TMIGD1: variants seen among roughly 807,000 people sequenced by gnomAD.
TMIGD1 encodes transmembrane and immunoglobulin domain-containing protein 1.
In TMIGD1, 29 loss-of-function variants were observed where a neutral mutation model predicts 27.5. That is an observed-to-expected ratio of 1.05 (90% CI 0.78 to 1.44). TMIGD1 has a LOEUF of 1.44. Among genes scored for constraint, TMIGD1 ranks in the 40% most tolerant of loss-of-function variants. TMIGD1 has a pLI of 0.00. For synonymous variants in TMIGD1, 109 were observed against 110.3 expected, an observed-to-expected ratio of 0.99 and a Z score of 0.07; for missense variants, 334 against 310.6, an observed-to-expected ratio of 1.08 and a Z score of -0.57.
In TMIGD1 at chr17:30,324,827, A is replaced by C. The variant is rs1228103523; in HGVS notation, c.629T>G (p.Leu210Arg). The C allele has an allele frequency of 9.9e-6, 16 of 1,613,738 alleles. No individual in the cohort carries two copies. The highest frequency in any genetic ancestry group is 1.6e-4 in the Middle Eastern group (1 of 6,084). ...AAAAAGAGCATTACCTTTAACAATCAGGTGAAAGTCCAAGCTCTCCGTTTT... is the reference window on the plus strand; with the variant it reads ...AAAAAGAGCATTACCTTTAACAATCCGGTGAAAGTCCAAGCTCTCCGTTTT... The part of the protein sequence containing the change: ...SLKTESLDFH[L>R]IVKDKTVGVP... Residue 210 changes from leucine (L) to arginine (R), a missense_variant, in exon 4 of 7, where the codon CTG (leucine) becomes CGG (arginine). Physicochemically the swap from Leu to Arg is moderately radical, Grantham distance 102. Coordinates refer to ENST00000328886, the MANE Select transcript of TMIGD1 (RefSeq NM_206832.3).
In TMIGD1 at chr17:30,324,866, G is replaced by T; in HGVS notation, c.590C>A (p.Ala197Glu). 4 of 1,614,176 alleles carry T rather than the reference G, an allele frequency of 2.5e-6. No homozygotes were observed. Among genetic ancestry groups the T allele is most frequent in the Non-Finnish European group, 3.4e-6 (4 of 1,179,998 alleles). Residue 197 changes from alanine to glutamate, a missense_variant, in exon 4 of 7, where the codon GCA becomes GAA. Transcript: ENST00000328886. The stretch of plus-strand genomic sequence containing the variant: ...GCTCTCCGTTTTCAGAGATGACTTT[G>T]CAATACAACTGTAGGTTCCGTTGTC... ...KPDNGTYSCI[A>E]KSSLKTESLD...
At chr17:30,316,729 A>G (rs1412085634) in intron 6 of TMIGD1, 39 bp from the exon 7 acceptor site, 2 of 1,600,558 alleles carry the variant, frequency 1.2e-6, no homozygotes, top group East Asian at 2.2e-5. Flanking sequence ...TGATGCTCAT[A>G]GCAATAAGAA....
At chr17:30,322,108 A>G (rs1019015652) in intron 4 of TMIGD1, among the ~76,000 whole-genome samples, 1 of 152,160 alleles carries the variant, frequency 6.6e-6, no homozygotes, top group Admixed American at 6.5e-5. Context: ...GATTACAAGC[A>G]TGAACCATCC....
rs73275757 is a variant in TMIGD1, at chr17:30,325,263, C to T, written c.362-169G>A. On this transcript the variant is annotated intron_variant, in intron 3 of 6. Coordinates refer to ENST00000328886, the MANE Select transcript of TMIGD1 (RefSeq NM_206832.3). Reference sequence around the variant, plus strand: ...GGGGTAACAAGGGCAAATAACACTTCCAGTTCCAAATCTCATAGAACTTTT... The same window carrying T: ...GGGGTAACAAGGGCAAATAACACTTTCAGTTCCAAATCTCATAGAACTTTT... Among the ~76,000 whole-genome samples the T allele has an allele frequency of 1.6e-3, 240 of 152,236 alleles. 1 individual carries two copies. Among genetic ancestry groups the T allele is most frequent in the African/African-American group, 5.4e-3 (224 of 41,520 alleles).
At chr17:30,323,406 C>T (rs1286142414) in intron 4 of TMIGD1, among the ~76,000 whole-genome samples, 1 of 152,138 alleles carries the variant, frequency 6.6e-6, no homozygotes, top group African/African-American at 2.4e-5. Context: ...CTCACTGAGC[C>T]GTGAAGCCAG....
chr17:30,317,166 G>A (rs368054935), intron 6 of TMIGD1, 27 bp downstream of exon 6: 460 of 1,612,920 alleles, frequency 2.9e-4, no homozygotes, highest in Non-Finnish European at 3.8e-4. Flanking sequence ...TATTTAAAAA[G>A]CACTGGTCCC....
chr17:30,323,030 G>C (rs550621105), intron 4 of TMIGD1, among the ~76,000 whole-genome samples: 2 of 151,734 alleles, frequency 1.3e-5, no homozygotes, highest in Non-Finnish European at 1.5e-5. Context: ...TTGATTAGCT[G>C]GTTCTGATGG....
Position 30,318,856 on chromosome 17 carries a change from A to G in TMIGD1, c.698T>C (p.Leu233Pro), listed in dbSNP as rs1305234201. 1.2e-6 allele frequency: 2 copies of G among 1,613,944 alleles called. No homozygotes were observed. Among genetic ancestry groups the G allele is most frequent in the African/African-American group, 2.7e-5 (2 of 74,936 alleles). ...PIIAACVVIF[L>P]TLCFGLIARR... is the part of the protein sequence containing the mutation. ...AGCAATCAGTCCAAAGCACAATGTC[A>G]GAAAGATCACAACACATGCAGCAAT... is the stretch of plus-strand genomic sequence containing the variant. Residue 233 changes from leucine to proline, a missense_variant, in exon 5 of 7, where the codon CTG becomes CCG. Coordinates refer to ENST00000328886, the MANE Select transcript of TMIGD1 (RefSeq NM_206832.3).
rs532752546 is a variant in TMIGD1, at chr17:30,318,735, T to A, written c.744+75A>T. On this transcript the variant is annotated intron_variant, in intron 5 of 6. Transcript: ENST00000328886. ...TGCCAAGAAGGGTTCCTAACTGAAGTCACTTATATTTCTAGCTTTCTGCCT... is the reference window on the plus strand; with the variant it reads ...TGCCAAGAAGGGTTCCTAACTGAAGACACTTATATTTCTAGCTTTCTGCCT... 19 of 1,111,458 alleles carry A rather than the reference T, an allele frequency of 1.7e-5. No homozygotes were observed. The African/African-American group carries it at 2.5e-4, about 14-fold the overall frequency. The allele number at this position is 1,111,458 out of a possible 1,614,324, so 68.8% of individuals were successfully genotyped here.
rs1909893040 is a variant in TMIGD1, at chr17:30,329,283, G to A, written c.329C>T (p.Ser110Phe). 6.2e-7 allele frequency: 1 copy of A among 1,614,000 alleles called. No homozygotes were observed. The highest frequency in any genetic ancestry group is 1.3e-5 in the African/African-American group (1 of 74,954). ...SFTCRLGRDQ[S>F]VSVSVVLNVT... is the part of the protein sequence containing the mutation. ...ATTCAGCACCACCGAAACGGACACG[G>A]ACTGATCCCTCCCCAGCCTGCAGGT... Residue 110 changes from serine (S) to phenylalanine (F), a missense_variant, in exon 3 of 7, where the codon TCC becomes TTC. By Grantham distance (155) the Ser-to-Phe change is radical (BLOSUM62 -2). Transcript: ENST00000328886.
intron 3 of TMIGD1, among the ~76,000 whole-genome samples, chr17:30,326,769 T>A (rs1909790407): frequency 6.6e-6 from 1 of 152,228 alleles, no homozygotes; most frequent in Non-Finnish European, 1.5e-5. Flanking sequence ...TGTCGTAAGA[T>A]ATGCACACTT....
chr17:30,321,976 G>A (rs917602171), intron 4 of TMIGD1, among the ~76,000 whole-genome samples: 6 of 152,122 alleles, frequency 3.9e-5, no homozygotes, highest in East Asian at 1.9e-4. Context: ...CTACCAGTGC[G>A]TGCCACCACA....
At chr17:30,324,425 T>C (rs1909710113) in intron 4 of TMIGD1, among the ~76,000 whole-genome samples, 1 of 152,210 alleles carries the variant, frequency 6.6e-6, no homozygotes, top group Non-Finnish European at 1.5e-5. Flanking sequence ...ATCCATTTTC[T>C]TATCTAGTCC....
At chr17:30,319,361 G>A (rs1448490551) in intron 4 of TMIGD1, among the ~76,000 whole-genome samples, 1 of 140,064 alleles carries the variant, frequency 7.1e-6, no homozygotes, top group African/African-American at 2.8e-5. Context: ...GGAGACAGAG[G>A]TTGCAGTGAG....
intron 4 of TMIGD1, among the ~76,000 whole-genome samples, chr17:30,320,240 G>A (rs1310762821): frequency 6.6e-6 from 1 of 151,944 alleles, no homozygotes; most frequent in Non-Finnish European, 1.5e-5. Flanking sequence ...GTTTCACTGT[G>A]TTAGCCAGGA....
intron 3 of TMIGD1, among the ~76,000 whole-genome samples, chr17:30,328,544 A>C (rs1909861642): frequency 1.3e-5 from 2 of 152,212 alleles, no homozygotes; most frequent in Admixed American, 6.5e-5. Flanking sequence ...AATGAGAAAA[A>C]AGCATAAAAC....
intron 4 of TMIGD1, among the ~76,000 whole-genome samples, chr17:30,319,261 A>AAAAAAAAAATATATATATATATATAT: frequency 1.0e-4 from 7 of 69,034 alleles, no homozygotes; most frequent in African/African-American, 3.6e-4. Flanking sequence ...AAAAAAAAAA[A>AAAAAAAAAATATATATATATATATAT]ATATATATAT....
chr17:30,319,352 G>C (rs1909542005), intron 4 of TMIGD1, among the ~76,000 whole-genome samples: 1 of 140,988 alleles, frequency 7.1e-6, no homozygotes, highest in African/African-American at 2.7e-5. Flanking sequence ...TTGGTCCCAG[G>C]AGACAGAGGT....
chr17:30,322,294 G>A (rs181281077), intron 4 of TMIGD1, among the ~76,000 whole-genome samples: 23 of 152,196 alleles, frequency 1.5e-4, no homozygotes, highest in African/African-American at 4.8e-4. Flanking sequence ...GTAAGCCCTG[G>A]TTCTGTACTA....
Sources: gnomAD v4.1 joint callset for allele counts (sites outside exome capture counted in the v4.1 genomes callset) on GRCh38, gnomAD v4.1.1 for gene constraint, MANE v1.5 for transcripts, NCBI Gene and HGNC (gene_info 2026-07-23, HGNC 2026-07-21) for gene names.